MOXD1: variants seen among roughly 807,000 people sequenced by gnomAD.
The protein encoded by MOXD1 is monooxygenase DBH like 1.
Under a neutral mutation model 66.6 loss-of-function variants are expected in MOXD1, and 62 were observed. That is an observed-to-expected ratio of 0.93 (90% CI 0.76 to 1.15). The LOEUF (loss-of-function observed/expected upper bound fraction) is 1.15. Among genes scored for constraint, MOXD1 ranks in the 50% most tolerant of loss-of-function variants. The pLI, the probability that MOXD1 is intolerant of heterozygous loss-of-function variation, is 0.00. For synonymous variants in MOXD1, 303 were observed against 281.9 expected, an observed-to-expected ratio of 1.07 and a Z score of -0.75; for missense variants, 847 against 754.6, an observed-to-expected ratio of 1.12 and a Z score of -1.44.
intron 4 of MOXD1, among the ~76,000 whole-genome samples, chr6:132,364,927 C>A (rs577706351): frequency 9.9e-5 from 15 of 152,212 alleles, no homozygotes; most frequent in African/African-American, 3.6e-4. Flanking sequence ...GTTGCTCTGA[C>A]CCTGTAGGCC....
intron 10 of MOXD1, among the ~76,000 whole-genome samples, chr6:132,304,430 G>A (rs1023328027): frequency 5.3e-5 from 8 of 152,146 alleles, no homozygotes; most frequent in Admixed American, 2.0e-4. Context: ...TGGAAACAGA[G>A]AGTCCTTCAA....
chr6:132,376,450 A>G (rs1776380825), intron 1 of MOXD1, among the ~76,000 whole-genome samples: 1 of 151,232 alleles, frequency 6.6e-6, no homozygotes, highest in Admixed American at 6.6e-5. Context: ...ATTGTTGGCA[A>G]TGCAGAGTCT....
intron 1 of MOXD1, among the ~76,000 whole-genome samples, chr6:132,385,723 C>T (rs968409511): frequency 6.6e-6 from 1 of 151,924 alleles, no homozygotes; most frequent in Non-Finnish European, 1.5e-5. Context: ...AACTCCTGAC[C>T]TCAAGCGATC....
intron 9 of MOXD1, among the ~76,000 whole-genome samples, chr6:132,317,966 C>T (rs1774994779): frequency 6.6e-6 from 1 of 152,092 alleles, no homozygotes; most frequent in South Asian, 2.1e-4. Flanking sequence ...TATTCTGCTA[C>T]AAGCTTGCTC....
At chr6:132,384,239 T>G (rs1484844718) in intron 1 of MOXD1, among the ~76,000 whole-genome samples, 5 of 73,242 alleles carry the variant, frequency 6.8e-5, no homozygotes, top group Non-Finnish European at 7.9e-5. Context: ...CCTCCCTCCC[T>G]CTCTTCCTTC....
intron 9 of MOXD1, among the ~76,000 whole-genome samples, chr6:132,317,103 T>C (rs1324520322): frequency 2.0e-5 from 3 of 152,072 alleles, no homozygotes; most frequent in African/African-American, 7.2e-5. Flanking sequence ...TCATCATAAA[T>C]GATGGAAATA....
At chr6:132,353,165 C>T (rs970658875) in intron 4 of MOXD1, among the ~76,000 whole-genome samples, 1 of 152,146 alleles carries the variant, frequency 6.6e-6, no homozygotes, top group African/African-American at 2.4e-5. Context: ...TGTAAGGTAT[C>T]ATTGCATTCA....
At chr6:132,335,656 T>C (rs1269845614) in intron 4 of MOXD1, among the ~76,000 whole-genome samples, 1 of 152,194 alleles carries the variant, frequency 6.6e-6, no homozygotes, top group East Asian at 1.9e-4. Context: ...ACTCCTGATC[T>C]CCAGAGCTGT....
chr6:132,328,304 C>T (rs989840668), intron 5 of MOXD1, 111 bp downstream of exon 5: 131 of 1,392,876 alleles, frequency 9.4e-5, no homozygotes, highest in Non-Finnish European at 1.2e-4. Context: ...AAGCCACCTT[C>T]ATATCAAAAG....
chr6:132,384,677 A>AG (rs1429901821), intron 1 of MOXD1, among the ~76,000 whole-genome samples: 3 of 110,634 alleles, frequency 2.7e-5, no homozygotes, highest in African/African-American at 2.6e-4. Context: ...AGTAGTTTCC[A>AG]GGAAGAGATT....
intron 4 of MOXD1, among the ~76,000 whole-genome samples, chr6:132,340,638 A>ATTTTTTTTT (rs869205496): frequency 2.4e-4 from 24 of 98,780 alleles, no homozygotes; most frequent in Non-Finnish European, 3.2e-4. Flanking sequence ...AACAAGACTC[A>ATTTTTTTTT]TTTTTTTTTT....
chr6:132,382,696 A>G (rs1456647766), intron 1 of MOXD1, among the ~76,000 whole-genome samples: 1 of 152,208 alleles, frequency 6.6e-6, no homozygotes, highest in Non-Finnish European at 1.5e-5. Context: ...TGAAAAATGT[A>G]TGAAATATAT....
intron 9 of MOXD1, among the ~76,000 whole-genome samples, chr6:132,319,474 G>A (rs142593284): frequency 0.014 from 2,111 of 151,874 alleles, 55 homozygotes; most frequent in African/African-American, 0.048. Context: ...CACATCTAGT[G>A]TTAGATTTTA....
chr6:132,392,949 T>C (rs1398577869), intron 1 of MOXD1, among the ~76,000 whole-genome samples: 1 of 152,240 alleles, frequency 6.6e-6, no homozygotes, highest in Non-Finnish European at 1.5e-5. Flanking sequence ...TCTGATTTCT[T>C]AACTCCACAG....
At chr6:132,347,277 T>A (rs1265597682) in intron 4 of MOXD1, among the ~76,000 whole-genome samples, 5 of 152,162 alleles carry the variant, frequency 3.3e-5, no homozygotes, top group African/African-American at 1.2e-4. Flanking sequence ...ACCTTTCTTA[T>A]CTGTACAGGA....
intron 10 of MOXD1, among the ~76,000 whole-genome samples, chr6:132,302,507 C>T (rs114898361): frequency 0.016 from 2,411 of 151,828 alleles, 71 homozygotes; most frequent in African/African-American, 0.056. Context: ...ACAAAACATG[C>T]GCAAAACTTC....
At chr6:132,364,660 A>C (rs1321057604) in intron 4 of MOXD1, among the ~76,000 whole-genome samples, 1 of 152,162 alleles carries the variant, frequency 6.6e-6, no homozygotes, top group Non-Finnish European at 1.5e-5. Flanking sequence ...TTTATTTTAA[A>C]ATGACATTAT....
At chr6:132,332,781 A>G (rs1775349849) in intron 4 of MOXD1, among the ~76,000 whole-genome samples, 1 of 152,150 alleles carries the variant, frequency 6.6e-6, no homozygotes, top group Non-Finnish European at 1.5e-5. Context: ...CTCCCACAAC[A>G]AGTTCTACAA....
intron 6 of MOXD1, chr6:132,324,954 A>ACACACACAC (rs1562282488): frequency 2.9e-5 from 4 of 139,026 alleles, no homozygotes; most frequent in Non-Finnish European, 6.1e-5. Flanking sequence ...TTCACTCACA[A>ACACACACAC]ACACACACAC....
Sources: allele counts gnomAD v4.1 joint callset (sites outside exome capture counted in the v4.1 genomes callset), GRCh38; gene constraint gnomAD v4.1.1; transcripts MANE v1.5; gene names NCBI Gene and HGNC (gene_info 2026-07-23, HGNC 2026-07-21).